The following PTPRD variants were observed in gnomAD, a reference collection of about 807,000 sequenced individuals.
PTPRD encodes the protein protein tyrosine phosphatase receptor type D, also known as receptor-type tyrosine-protein phosphatase delta.
Under a neutral mutation model 214.5 loss-of-function variants are expected in PTPRD, and 34 were observed. The observed-to-expected ratio is 0.16, with a 90% CI of 0.12 to 0.21. The LOEUF (loss-of-function observed/expected upper bound fraction) is 0.21, where lower values mean the gene tolerates loss of function less well. Ranked by LOEUF, PTPRD falls within the 10% of genes least tolerant of loss-of-function variation. The probability of loss-of-function intolerance (pLI) is 1.00; values close to 1 mark genes in which losing one functional copy is unlikely to be tolerated. For synonymous variants in PTPRD, 1,128 were observed against 845.7 expected, an observed-to-expected ratio of 1.33 and a Z score of -5.79; for missense variants, 2,545 against 2,398.7, an observed-to-expected ratio of 1.06 and a Z score of -1.27.
Position 8,348,674 on chromosome 9 carries a change from T to C in PTPRD, c.4662-6696A>G, listed in dbSNP as rs74869244. ...GCAGGGCCCTCAGGTAATATTTTCA[T>C]TACAAGATTCTTGGCTGTTCCTCAG... On this transcript the variant is annotated intron_variant, in intron 39 of 45. Transcript: ENST00000381196. 5.7e-3 allele frequency among the ~76,000 whole-genome samples: 864 copies of C among 152,264 alleles called. 11 individuals are homozygous for C. The highest frequency in any genetic ancestry group is 0.02 in the African/African-American group (812 of 41,562).
intron 30 of PTPRD, among the ~76,000 whole-genome samples, chr9:8,472,443 A>C (rs1268177303): frequency 6.6e-6 from 1 of 152,074 alleles, no homozygotes; most frequent in Non-Finnish European, 1.5e-5. Flanking sequence ...CTCAAAGCAA[A>C]ACCTGTAATA....
intron 11 of PTPRD, among the ~76,000 whole-genome samples, chr9:8,885,793 G>T (rs936702656): frequency 6.6e-6 from 1 of 152,000 alleles, no homozygotes; most frequent in Non-Finnish European, 1.5e-5. Context: ...CACCGTGCCC[G>T]GCCTGCCTCT....
At chr9:10,130,810 AT>A (rs2154257894) in intron 3 of PTPRD, among the ~76,000 whole-genome samples, 1 of 152,266 alleles carries the variant, frequency 6.6e-6, no homozygotes, top group South Asian at 2.1e-4. Flanking sequence ...TCAGAGCCAA[AT>A]TGTACTTTAC....
chr9:9,631,599 T>C (rs1036620610), intron 7 of PTPRD, among the ~76,000 whole-genome samples: 11 of 152,240 alleles, frequency 7.2e-5, no homozygotes, highest in African/African-American at 2.4e-4. Context: ...ACAAGTCAAG[T>C]AGGTTCAGCC....
At chr9:8,690,623 A>T (rs1240768035) in intron 12 of PTPRD, among the ~76,000 whole-genome samples, 2 of 152,160 alleles carry the variant, frequency 1.3e-5, no homozygotes, top group South Asian at 4.1e-4. Flanking sequence ...TTCTCATAAA[A>T]TGGAGCAAAA....
At chr9:9,539,559 T>C (rs1251973571) in intron 8 of PTPRD, among the ~76,000 whole-genome samples, 3 of 151,878 alleles carry the variant, frequency 2.0e-5, no homozygotes, top group Non-Finnish European at 4.4e-5. Context: ...TAACTATGTG[T>C]GGCCTTTAGA....
intron 4 of PTPRD, among the ~76,000 whole-genome samples, chr9:9,978,740 GCTCGAAAAAC>G (rs139543998): frequency 0.15 from 22,816 of 151,814 alleles, 2,088 homozygotes; most frequent in African/African-American, 0.24. Context: ...GATCCAAGAA[GCTCGAAAAAC>G]CAATAAGCAG....
At chr9:8,761,507 A>C (rs936455934) in intron 11 of PTPRD, among the ~76,000 whole-genome samples, 9 of 152,172 alleles carry the variant, frequency 5.9e-5, no homozygotes, top group African/African-American at 2.2e-4. Context: ...TTAGAATTGG[A>C]GGATAGATGC....
At chr9:8,754,115 A>T (rs1461167293) in intron 11 of PTPRD, among the ~76,000 whole-genome samples, 3 of 152,146 alleles carry the variant, frequency 2.0e-5, no homozygotes, top group East Asian at 3.9e-4. Flanking sequence ...ACTGCACTCC[A>T]GCCTGGGTGA....
chr9:9,410,311 A>AT (rs1277622905), intron 8 of PTPRD, among the ~76,000 whole-genome samples: 2 of 152,226 alleles, frequency 1.3e-5, no homozygotes, highest in Non-Finnish European at 2.9e-5. Context: ...TCGTTCTGTG[A>AT]TTTGAACTCA....
chr9:8,357,629 G>A (rs2077302973), intron 39 of PTPRD, among the ~76,000 whole-genome samples: 1 of 152,178 alleles, frequency 6.6e-6, no homozygotes. Context: ...ACCCACTCAA[G>A]GAAAATGAAG....
intron 11 of PTPRD, among the ~76,000 whole-genome samples, chr9:8,801,079 G>C (rs890410378): frequency 6.6e-6 from 1 of 152,098 alleles, no homozygotes; most frequent in African/African-American, 2.4e-5. Context: ...ATAATATGTA[G>C]CTTTCAAACA....
intron 2 of PTPRD, among the ~76,000 whole-genome samples, chr9:10,456,465 C>G (rs1433017414): frequency 6.6e-6 from 1 of 151,878 alleles, no homozygotes; most frequent in Non-Finnish European, 1.5e-5. Flanking sequence ...AACTTTAACT[C>G]TAGAGACACA....
chr9:10,156,120 G>A (rs956687793), intron 3 of PTPRD, among the ~76,000 whole-genome samples: 3 of 139,796 alleles, frequency 2.1e-5, no homozygotes, highest in African/African-American at 8.4e-5. Context: ...GTGTGTGTGT[G>A]TGTGCCTGTC....
chr9:8,755,385 C>T (rs889152218), intron 11 of PTPRD, among the ~76,000 whole-genome samples: 11 of 151,930 alleles, frequency 7.2e-5, no homozygotes, highest in East Asian at 1.9e-4. Flanking sequence ...CAAAATTAGC[C>T]GAGCATGGCG....
Position 10,511,878 on chromosome 9 carries a change from G to GTGTATA in PTPRD, c.-600+100519_-600+100520insTATACA, listed in dbSNP as rs1555453789. 3.5e-3 allele frequency among the ~76,000 whole-genome samples: 472 copies of GTGTATA among 133,810 alleles called. 6 individuals are homozygous for GTGTATA. The highest frequency in any genetic ancestry group is 0.013 in the African/African-American group (451 of 35,194). 87.8% of individuals were successfully genotyped at this position (133,810 alleles called of 152,430 possible). On this transcript the variant is annotated intron_variant, in intron 2 of 45. Transcript: ENST00000381196. ...TGTGTGTGTGTGTGTGTGTGTGTGT[G>GTGTATA]TATATACACACACACATATATATAC...
intron 10 of PTPRD, among the ~76,000 whole-genome samples, chr9:9,118,737 C>A (rs2099814677): frequency 6.6e-6 from 1 of 152,132 alleles, no homozygotes; most frequent in Non-Finnish European, 1.5e-5. Flanking sequence ...GACTAAAAAG[C>A]AGTGAGCTCA....
chr9:9,239,673 A>G (rs1166669442), intron 9 of PTPRD, among the ~76,000 whole-genome samples: 1 of 152,166 alleles, frequency 6.6e-6, no homozygotes, highest in African/African-American at 2.4e-5. Context: ...GCAGATGGCC[A>G]TGGTACAGCC....
chr9:9,718,650 G>A (rs958793353), intron 7 of PTPRD, among the ~76,000 whole-genome samples: 1 of 152,188 alleles, frequency 6.6e-6, no homozygotes, highest in African/African-American at 2.4e-5. Context: ...CCTGCTCTGT[G>A]GTGGAGCAAA....
Sources: gnomAD v4.1 joint callset for allele counts (sites outside exome capture counted in the v4.1 genomes callset) on GRCh38, gnomAD v4.1.1 for gene constraint, MANE v1.5 for transcripts, NCBI Gene and HGNC (gene_info 2026-07-23, HGNC 2026-07-21) for gene names.